Variants in NEDD4L observed in about 807,000 individuals in gnomAD.
The protein encoded by NEDD4L is E3 ubiquitin-protein ligase NEDD4-like.
Under a neutral mutation model 148.9 loss-of-function variants are expected in NEDD4L, and 54 were observed. The ratio of observed to expected loss-of-function variants is 0.36; its 90% CI spans 0.29 to 0.45. NEDD4L has a LOEUF of 0.45. Ranked by LOEUF, NEDD4L falls within the 20% of genes least tolerant of loss-of-function variation. The probability of loss-of-function intolerance (pLI) is 1.00; values close to 1 mark genes in which losing one functional copy is unlikely to be tolerated. For missense variants in NEDD4L, 856 were observed against 1,233.8 expected, an observed-to-expected ratio of 0.69 and a Z score of 4.59; for synonymous variants, 433 against 440.7, an observed-to-expected ratio of 0.98 and a Z score of 0.22.
chr18:58,351,712 C>T (rs1308718865), intron 18 of NEDD4L, among the ~76,000 whole-genome samples: 1 of 151,866 alleles, frequency 6.6e-6, no homozygotes, highest in Non-Finnish European at 1.5e-5. Flanking sequence ...AATCATATTT[C>T]TATGTCCCTT....
chr18:58,094,086 A>G (rs1315361896), intron 1 of NEDD4L, among the ~76,000 whole-genome samples: 1 of 151,784 alleles, frequency 6.6e-6, no homozygotes, highest in Non-Finnish European at 1.5e-5. Context: ...TAAAGGCCCA[A>G]TTTCCTAGTG....
At chr18:58,315,668 G>T (rs1440110182) in intron 5 of NEDD4L, among the ~76,000 whole-genome samples, 1 of 152,092 alleles carries the variant, frequency 6.6e-6, no homozygotes, top group Non-Finnish European at 1.5e-5. Flanking sequence ...TTCTCTTTCA[G>T]CTGGGCCCAG....
intron 1 of NEDD4L, among the ~76,000 whole-genome samples, chr18:58,143,197 C>T (rs1412824778): frequency 6.6e-6 from 1 of 152,206 alleles, no homozygotes; most frequent in Non-Finnish European, 1.5e-5. Context: ...GGGGAATGCA[C>T]ATCATATCCC....
At chr18:58,151,446 AG>A (rs2034728381) in intron 1 of NEDD4L, among the ~76,000 whole-genome samples, 1 of 152,188 alleles carries the variant, frequency 6.6e-6, no homozygotes, top group Admixed American at 6.5e-5. Flanking sequence ...GAGCTTCAGT[AG>A]GTCTTGGATG....
intron 1 of NEDD4L, among the ~76,000 whole-genome samples, chr18:58,142,037 TTTC>T (rs1389856603): frequency 1.1e-5 from 1 of 89,500 alleles, no homozygotes; most frequent in Non-Finnish European, 2.2e-5. Context: ...CCAAAATTTC[TTTC>T]TTTTTTTTTT....
chr18:58,290,540 AG>A (rs1402488653), intron 5 of NEDD4L, among the ~76,000 whole-genome samples: 1 of 152,212 alleles, frequency 6.6e-6, no homozygotes, highest in African/African-American at 2.4e-5. Context: ...GTCTAAAAAT[AG>A]GTAGGCGATC....
At chr18:58,180,099 G>A (rs951029695) in intron 2 of NEDD4L, among the ~76,000 whole-genome samples, 4 of 152,176 alleles carry the variant, frequency 2.6e-5, no homozygotes, top group Admixed American at 2.6e-4. Context: ...CCATGTTCCT[G>A]CCTGGGCAAA....
chr18:58,165,632 G>A, intron 1 of NEDD4L, 156 bp from the exon 2 acceptor site: 1 of 1,502,874 alleles, frequency 6.7e-7, no homozygotes, highest in South Asian at 1.3e-5. Flanking sequence ...ATTGCTTTTT[G>A]AACTTCAGTG....
intron 2 of NEDD4L, chr18:58,227,727 A>C (rs1568428178): frequency 1.5e-5 from 3 of 197,510 alleles, no homozygotes; most frequent in Non-Finnish European, 2.7e-5. Context: ...TCAGTGTTCA[A>C]CATGCTGCAG....
chr18:58,148,041 TCC>T (rs60375254), intron 1 of NEDD4L, among the ~76,000 whole-genome samples: 4 of 148,686 alleles, frequency 2.7e-5, no homozygotes, highest in African/African-American at 9.9e-5. Flanking sequence ...CACCCCTCTC[TCC>T]CCCCCTTTTT....
At chr18:58,204,320 T>A (rs1009611783) in intron 2 of NEDD4L, among the ~76,000 whole-genome samples, 4 of 151,232 alleles carry the variant, frequency 2.6e-5, no homozygotes, top group Non-Finnish European at 4.4e-5. Context: ...AGAGTGAGAC[T>A]CCTTCTCAAA....
At chr18:58,270,140 A>G (rs1007415146) in intron 5 of NEDD4L, among the ~76,000 whole-genome samples, 6 of 152,232 alleles carry the variant, frequency 3.9e-5, no homozygotes, top group Non-Finnish European at 8.8e-5. Context: ...TGCTGTAAAT[A>G]TTAACTGAGT....
intron 5 of NEDD4L, among the ~76,000 whole-genome samples, chr18:58,291,186 A>T (rs180706179): frequency 2.0e-5 from 3 of 151,618 alleles, no homozygotes; most frequent in Admixed American, 2.0e-4. Flanking sequence ...AGGCCGACCA[A>T]CCCACATGGT....
chr18:58,303,258 G>A (rs1466556551), intron 5 of NEDD4L, among the ~76,000 whole-genome samples: 1 of 152,152 alleles, frequency 6.6e-6, no homozygotes, highest in Admixed American at 6.5e-5. Context: ...GTCAAAGGTT[G>A]GTGCCTAGGA....
In NEDD4L at chr18:58,398,218, T is replaced by C. The variant is rs1456172765; in HGVS notation, c.*1949T>C. 6.9e-6 allele frequency: 1 copy of C among 144,824 alleles called. No individual in the cohort carries two copies. The highest frequency in any genetic ancestry group is 2.0e-4 in the East Asian group (1 of 4,974). 9.0% of individuals were successfully genotyped at this position (144,824 alleles called of 1,614,324 possible). A position where few individuals can be genotyped will look rare whatever the true frequency, so the allele number is the denominator to read the frequency against. On this transcript the variant is annotated 3_prime_UTR_variant, in exon 31 of 31. Coordinates refer to ENST00000400345, the MANE Select transcript of NEDD4L (RefSeq NM_001144967.3). ...AATTCCCGCTCATGAGTTTTGACTATTGGTGAGATGTTTTCCGCTACAGTT... is the reference window on the plus strand; with the variant it reads ...AATTCCCGCTCATGAGTTTTGACTACTGGTGAGATGTTTTCCGCTACAGTT...
At chr18:58,336,642 T>G (rs2041818381) in intron 13 of NEDD4L, among the ~76,000 whole-genome samples, 1 of 152,226 alleles carries the variant, frequency 6.6e-6, no homozygotes, top group Non-Finnish European at 1.5e-5. Flanking sequence ...TGCTCATTAC[T>G]TGTGGATAAC....
chr18:58,156,986 A>G (rs1234555980), intron 1 of NEDD4L, among the ~76,000 whole-genome samples: 1 of 151,530 alleles, frequency 6.6e-6, no homozygotes, highest in Non-Finnish European at 1.5e-5. Flanking sequence ...TTTGAGACCA[A>G]CTTGGGCAAC....
At chr18:58,251,970 G>A (rs201065749) in intron 4 of NEDD4L, 31 bp from the exon 5 acceptor site, 188 of 1,279,454 alleles carry the variant, frequency 1.5e-4, no homozygotes, top group East Asian at 5.6e-4. Flanking sequence ...ATTCCTGCTC[G>A]TTTAAAAAAT....
chr18:58,132,650 G>C (rs936111235), intron 1 of NEDD4L, among the ~76,000 whole-genome samples: 14 of 152,214 alleles, frequency 9.2e-5, no homozygotes, highest in Admixed American at 7.2e-4. Context: ...ATGAATGTAT[G>C]ATGCTTGGCA....
Sources: gnomAD v4.1 joint callset for allele counts (sites outside exome capture counted in the v4.1 genomes callset) on GRCh38, gnomAD v4.1.1 for gene constraint, MANE v1.5 for transcripts, NCBI Gene and HGNC (gene_info 2026-07-23, HGNC 2026-07-21) for gene names.